Variants in CEP85L observed in about 807,000 individuals in gnomAD.
CEP85L encodes centrosomal protein of 85 kDa-like.
Under a neutral mutation model 100.3 loss-of-function variants are expected in CEP85L, and 60 were observed. The observed-to-expected ratio is 0.60, with a 90% CI of 0.49 to 0.74. The LOEUF is 0.74. Among genes scored for constraint, CEP85L ranks in the 30% least tolerant of loss-of-function variants. The pLI, the probability that CEP85L is intolerant of heterozygous loss-of-function variation, is 0.00. For missense variants in CEP85L, 973 were observed against 936.2 expected, an observed-to-expected ratio of 1.04 and a Z score of -0.51; for synonymous variants, 319 against 322.7, an observed-to-expected ratio of 0.99 and a Z score of 0.12.
chr6:118,544,420 T>A (rs1242672590), intron 3 of CEP85L, among the ~76,000 whole-genome samples: 1 of 152,216 alleles, frequency 6.6e-6, no homozygotes, highest in Non-Finnish European at 1.5e-5. Flanking sequence ...TTTCTTTTTC[T>A]CCTGGTGTTA....
At chr6:118,709,879 T>G (rs148776519) in intron 1 of CEP85L, among the ~76,000 whole-genome samples, 1,638 of 152,230 alleles carry the variant, frequency 0.011, 30 homozygotes, top group African/African-American at 0.038. Flanking sequence ...TTCCTTGAAC[T>G]TTCCCATCTG....
upstream of CEP85L, among the ~76,000 whole-genome samples, chr6:118,654,342 T>A (rs1775702008): frequency 6.6e-6 from 1 of 152,196 alleles, no homozygotes; most frequent in Non-Finnish European, 1.5e-5. Flanking sequence ...TCAAGAGAGC[T>A]TTATATTTAC....
At chr6:118,511,535 C>T (rs1775971316) in intron 4 of CEP85L, 120 bp from the exon 5 acceptor site, 1 of 605,100 alleles carries the variant, frequency 1.7e-6, no homozygotes, top group Non-Finnish European at 2.8e-6. Flanking sequence ...AACAGTCACA[C>T]CTTGCTTTCT....
chr6:118,650,542 A>T (rs1232177419), intron 1 of CEP85L, among the ~76,000 whole-genome samples: 1 of 152,204 alleles, frequency 6.6e-6, no homozygotes, highest in Non-Finnish European at 1.5e-5. Flanking sequence ...TCAATGGTCC[A>T]TTGGCTACTG....
At chr6:118,523,140 TATC>T (rs947529347) in intron 4 of CEP85L, among the ~76,000 whole-genome samples, 1 of 152,204 alleles carries the variant, frequency 6.6e-6, no homozygotes, top group African/African-American at 2.4e-5. Flanking sequence ...GCTTCCCAAT[TATC>T]ATGATATACA....
intron 2 of CEP85L, among the ~76,000 whole-genome samples, chr6:118,585,600 C>T (rs1000688745): frequency 1.3e-5 from 2 of 152,172 alleles, no homozygotes; most frequent in African/African-American, 4.8e-5. Context: ...AGGATGGCTA[C>T]AGTCACAAGA....
Position 118,617,277 on chromosome 6 carries a change from A to C in CEP85L, c.232+15176T>G, listed in dbSNP as rs550794588. 1.8e-4 allele frequency among the ~76,000 whole-genome samples: 27 copies of C among 152,264 alleles called. 1 individual carries two copies. The South Asian group carries it at 5.6e-3, about 32-fold the overall frequency. ...TACTTATATGTTTTCTTCCCCAAGA[A>C]AGCTATAAACAGCGAGAATTTTAGG... On this transcript the variant is annotated intron_variant, in intron 2 of 12. Transcript: ENST00000368491.
At chr6:118,601,670 T>G (rs1298332064) in intron 2 of CEP85L, among the ~76,000 whole-genome samples, 4 of 152,084 alleles carry the variant, frequency 2.6e-5, no homozygotes, top group Non-Finnish European at 5.9e-5. Flanking sequence ...GGTTGCCCAT[T>G]TTTATGGTTA....
intron 5 of CEP85L, chr6:118,502,142 T>A (rs1211894094): frequency 6.9e-6 from 8 of 1,154,072 alleles, no homozygotes; most frequent in Non-Finnish European, 8.6e-6. Context: ...CAGTCTGGAG[T>A]GAATATTCTG....
chr6:118,566,096 C>T lies in CEP85L; in HGVS notation c.453G>A (p.Arg151=), dbSNP rs761015817. Residue 151 remains arginine (R), a synonymous_variant, in exon 3 of 13, where the codon CGG becomes CGA. Transcript: ENST00000368491. ...QDSSLDMKDF[R]PLRKWSSLSK... is the part of the protein sequence containing the mutation. ...ATAAAGATGACCATTTCCGAAGTGG[C>T]CGGAAGTCCTTCATGTCTAGGGAAG... 7.4e-6 allele frequency: 12 copies of T among 1,614,054 alleles called. No homozygotes were observed. In the East Asian group the frequency reaches 1.1e-4, roughly 15 times the overall value.
chr6:118,503,224 A>G (rs1165764280), intron 5 of CEP85L, among the ~76,000 whole-genome samples: 1 of 152,232 alleles, frequency 6.6e-6, no homozygotes, highest in African/African-American at 2.4e-5. Flanking sequence ...ATAGGTATAA[A>G]TCTAACAACA....
chr6:118,637,703 CAAA>C (rs11388747), intron 1 of CEP85L, among the ~76,000 whole-genome samples: 1 of 45,438 alleles, frequency 2.2e-5, no homozygotes, highest in Non-Finnish European at 3.8e-5. Flanking sequence ...AAGACTGTCT[CAAA>C]AAAAAAAAAA....
intron 3 of CEP85L, chr6:118,565,234 G>T: frequency 2.0e-5 from 7 of 348,566 alleles, no homozygotes; most frequent in African/African-American, 4.2e-5. Context: ...TTTTGTTTCT[G>T]TTTCCAAGTT....
intron 2 of CEP85L, 74 bp from the exon 3 acceptor site, chr6:118,566,390 A>G: frequency 1.6e-6 from 2 of 1,213,098 alleles, no homozygotes; most frequent in Non-Finnish European, 2.3e-6. Flanking sequence ...GCAATATGCC[A>G]AAAGAAATAT....
chr6:118,500,124 G>A (rs1775181932), intron 5 of CEP85L, among the ~76,000 whole-genome samples: 2 of 149,202 alleles, frequency 1.3e-5, no homozygotes, highest in Non-Finnish European at 3.0e-5. Context: ...AACATAGTGA[G>A]ACCTTGCCTC....
chr6:118,475,636 G>T (rs1296735559), intron 10 of CEP85L, among the ~76,000 whole-genome samples: 7 of 152,038 alleles, frequency 4.6e-5, no homozygotes, highest in Non-Finnish European at 1.0e-4. Flanking sequence ...TGACAGGTGT[G>T]AGCCACCACG....
rs1487858066 is a variant in CEP85L, at chr6:118,519,568, GTGTGTGTGTGT to G, written c.1139+4223_1139+4233del. 2.0e-3 allele frequency among the ~76,000 whole-genome samples: 24 copies of G among 12,076 alleles called. 1 individual carries two copies. The highest frequency in any genetic ancestry group is 4.0e-3 in the African/African-American group (20 of 4,990). The allele number at this position is 12,076 out of a possible 152,430, so 7.9% of individuals were successfully genotyped here. ...TGTGTGTGTGTGTGTGTGTGTGTGT[GTGTGTGTGTGT>G]GTGGCGGGGGGGGGGTGTGAAACTC... is the stretch of plus-strand genomic sequence containing the variant. On this transcript the variant is annotated intron_variant, in intron 4 of 12. Transcript: ENST00000368491.
chr6:118,600,300 G>GTGGGTGGGTGTGTGTGT (rs1554228039), intron 2 of CEP85L, among the ~76,000 whole-genome samples: 2 of 52,246 alleles, frequency 3.8e-5, no homozygotes, highest in African/African-American at 1.4e-4. Flanking sequence ...CCTTCCTGGG[G>GTGGGTGGGTGTGTGTGT]GTGTGTGTGT....
At chr6:118,577,294 C>T (rs1018730583) in intron 2 of CEP85L, among the ~76,000 whole-genome samples, 2 of 152,190 alleles carry the variant, frequency 1.3e-5, no homozygotes, top group African/African-American at 2.4e-5. Context: ...CTATTGGATA[C>T]TCTGCCAAGT....
Sources: gnomAD v4.1 joint callset for allele counts (sites outside exome capture counted in the v4.1 genomes callset) on GRCh38, gnomAD v4.1.1 for gene constraint, MANE v1.5 for transcripts, NCBI Gene and HGNC (gene_info 2026-07-23, HGNC 2026-07-21) for gene names.